Variants in CASZ1 observed in about 807,000 individuals in gnomAD.
CASZ1 encodes zinc finger protein castor homolog 1.
Under a neutral mutation model 135.2 loss-of-function variants are expected in CASZ1, and 28 were observed. The observed-to-expected ratio is 0.21, with a 90% CI of 0.15 to 0.28. The LOEUF is 0.28. CASZ1 is among the 10% of genes least tolerant of loss of function. The pLI is 1.00. For synonymous variants in CASZ1, 1,068 were observed against 1,073.4 expected (o/e 0.99, Z 0.10); for missense variants, 2,161 against 2,453.3 (o/e 0.88, Z 2.52).
At chr1:10,782,091 C>A (rs559256877) in intron 1 of CASZ1, among the ~76,000 whole-genome samples, 1 of 152,344 alleles carries the variant, frequency 6.6e-6, no homozygotes, top group South Asian at 2.1e-4. Context: ...TCTTGCCCTG[C>A]AGAAATAGGA....
In CASZ1 at chr1:10,694,310, T is replaced by C; in HGVS notation, c.-23-398A>G. The C allele has an allele frequency of 8.7e-7, 1 of 1,154,780 alleles. No individual in the cohort carries two copies. 71.5% of individuals were successfully genotyped at this position (1,154,780 alleles called of 1,614,324 possible). ...CCCGGTACTCACCATAGTCGGAGAG[T>C]CGAAAGCCGAATTCACTTAAATAAT... On this transcript the variant is annotated intron_variant, in intron 3 of 20. Coordinates refer to ENST00000377022, the MANE Select transcript of CASZ1 (RefSeq NM_001079843.3). This position sits in a 1 kb window ranked among gnomAD's most constrained non-coding sequence, Gnocchi z 6.6.
At position 10,711,620 on chromosome 1, in the gene CASZ1, T is replaced by G. The variant is rs1418801176; in HGVS notation, c.-76-6076A>C. The stretch of plus-strand genomic sequence containing the variant: ...AAAAAAAGAAAAACAAACAAAACCT[T>G]GTGCATGAATGTTCATAGCAGCACT... On this transcript the variant is annotated intron_variant, in intron 2 of 20. Coordinates refer to ENST00000377022, the MANE Select transcript of CASZ1 (RefSeq NM_001079843.3). The surrounding 1 kb of genome is among the most constrained non-coding windows in gnomAD (Gnocchi z 4.4). Among the ~76,000 whole-genome samples the G allele has an allele frequency of 6.6e-6, 1 of 151,298 alleles. No individual in the cohort carries two copies. The highest frequency in any genetic ancestry group is 1.5e-5 in the Non-Finnish European group (1 of 67,936).
At chr1:10,716,161 A>T (rs1639388696) in intron 2 of CASZ1, among the ~76,000 whole-genome samples, 2 of 128,620 alleles carry the variant, frequency 1.6e-5, no homozygotes, top group Non-Finnish European at 3.3e-5. Flanking sequence ...CCCAATCCAC[A>T]ACCCACAGCA....
chr1:10,717,867 A>G lies in CASZ1; in HGVS notation c.-76-12323T>C, dbSNP rs1639423224. On this transcript the variant is annotated intron_variant, in intron 2 of 20. Coordinates refer to ENST00000377022, the MANE Select transcript of CASZ1 (RefSeq NM_001079843.3). This position sits in a 1 kb window ranked among gnomAD's most constrained non-coding sequence, Gnocchi z 4.6. ...ATCCTGTGGTAGGACAACAGCCATC[A>G]GTGGGAGGAAGAGTCCGGGCAGGCT... 6.6e-6 allele frequency among the ~76,000 whole-genome samples: 1 copy of G among 152,248 alleles called. No individual in the cohort carries two copies. The highest frequency in any genetic ancestry group is 2.4e-5 in the African/African-American group (1 of 41,470).
intron 18 of CASZ1, among the ~76,000 whole-genome samples, chr1:10,644,695 C>T (rs1388071772): frequency 6.6e-6 from 1 of 152,236 alleles, no homozygotes; most frequent in African/African-American, 2.4e-5. Context: ...AGGGGCGGTG[C>T]CCTGCGTGAG....
chr1:10,648,972 C>A, intron 15 of CASZ1, 98 bp downstream of exon 15: 1 of 1,490,878 alleles, frequency 6.7e-7, no homozygotes, highest in Admixed American at 2.0e-5. Flanking sequence ...CTTCTGTGGC[C>A]CAGCGGGAAC....
chr1:10,645,153 G>T, intron 17 of CASZ1, 65 bp from the exon 18 acceptor site: 1 of 1,466,694 alleles, frequency 6.8e-7, no homozygotes, highest in Non-Finnish European at 9.4e-7. Context: ...CCTGCCCCGG[G>T]CCTGAGGCTG....
chr1:10,736,381 A>G (rs951266585), intron 2 of CASZ1, among the ~76,000 whole-genome samples: 1 of 152,214 alleles, frequency 6.6e-6, no homozygotes, highest in Non-Finnish European at 1.5e-5. Context: ...AGTGAGCAGC[A>G]TGGCACTGAG....
At chr1:10,658,479 C>T (rs761141782) in intron 7 of CASZ1, 29 bp downstream of exon 7, 1 of 1,596,132 alleles carries the variant, frequency 6.3e-7, no homozygotes, top group Admixed American at 1.7e-5. Flanking sequence ...CACCTTCTCT[C>T]CACGGCAGGC....
chr1:10,650,506 T>C, intron 13 of CASZ1, 186 bp downstream of exon 13: 1 of 569,878 alleles, frequency 1.8e-6, no homozygotes, highest in Non-Finnish European at 3.1e-6. Flanking sequence ...AGCCAGTTCA[T>C]TAAATTAATT....
rs1639452365 is a variant in CASZ1, at chr1:10,719,224, C to T, written c.-76-13680G>A. The stretch of plus-strand genomic sequence containing the variant: ...TGAGCCACCGCACCCGGCCCCGTGC[C>T]CCTTTCTTGTAAGGGGAGAGCCTGA... On this transcript the variant is annotated intron_variant, in intron 2 of 20. Coordinates refer to ENST00000377022, the MANE Select transcript of CASZ1 (RefSeq NM_001079843.3). This position sits in a 1 kb window ranked among gnomAD's most constrained non-coding sequence, Gnocchi z 4.0. Among the ~76,000 whole-genome samples the T allele has an allele frequency of 6.6e-6, 1 of 152,196 alleles. No individual in the cohort carries two copies. The highest frequency in any genetic ancestry group is 1.5e-5 in the Non-Finnish European group (1 of 68,036).
In CASZ1 at chr1:10,697,867, C is replaced by T. The variant is rs1319182303; in HGVS notation, c.-23-3955G>A. On this transcript the variant is annotated intron_variant, in intron 3 of 20. Transcript: ENST00000377022. This position sits in a 1 kb window ranked among gnomAD's most constrained non-coding sequence, Gnocchi z 4.7. The stretch of plus-strand genomic sequence containing the variant: ...CTGCGAACAAGCATGTTCGCACCTG[C>T]GAGGGAGTCCGTGTGTTTGCGTGTG... Among the ~76,000 whole-genome samples the T allele has an allele frequency of 1.3e-5, 2 of 152,224 alleles. No homozygotes were observed. Among genetic ancestry groups the T allele is most frequent in the African/African-American group, 4.8e-5 (2 of 41,454 alleles).
At chr1:10,671,464 T>A (rs1346332549) in intron 4 of CASZ1, among the ~76,000 whole-genome samples, 1 of 152,096 alleles carries the variant, frequency 6.6e-6, no homozygotes, top group Non-Finnish European at 1.5e-5. Flanking sequence ...GGGAGACAGA[T>A]GTGAGGGAAG....
At chr1:10,738,436 G>A (rs575296947) in intron 2 of CASZ1, among the ~76,000 whole-genome samples, 2 of 152,368 alleles carry the variant, frequency 1.3e-5, no homozygotes, top group East Asian at 1.9e-4. Flanking sequence ...GCAGGCCGGG[G>A]AAGGGGGAGG....
intron 20 of CASZ1, among the ~76,000 whole-genome samples, chr1:10,642,517 T>A (rs1015472574): frequency 6.8e-6 from 1 of 146,564 alleles, no homozygotes; most frequent in Non-Finnish European, 1.5e-5. Flanking sequence ...GTGCCAGGGG[T>A]CACGTGGGCA....
rs571107666 is a variant in CASZ1 at position 10,701,657 on chromosome 1, G to T, written c.-24+3835C>A. ...CCTGCTCCTCCAGCCTGACACTAAT[G>T]TATTCAACCTGACATCCCATCTTGT... On this transcript the variant is annotated intron_variant, in intron 3 of 20. Transcript: ENST00000377022. The surrounding 1 kb of genome is among the most constrained non-coding windows in gnomAD (Gnocchi z 6.3). Among the ~76,000 whole-genome samples, 3 of 152,320 alleles carry T rather than the reference G, an allele frequency of 2.0e-5. No homozygotes were observed. The highest frequency in any genetic ancestry group is 7.2e-5 in the African/African-American group (3 of 41,578).
chr1:10,717,185 A>G lies in CASZ1; in HGVS notation c.-76-11641T>C, dbSNP rs927414783. 6.6e-6 allele frequency among the ~76,000 whole-genome samples: 1 copy of G among 152,092 alleles called. No homozygotes were observed. Among genetic ancestry groups the G allele is most frequent in the African/African-American group, 2.4e-5 (1 of 41,392 alleles). On this transcript the variant is annotated intron_variant, in intron 2 of 20. Coordinates refer to ENST00000377022, the MANE Select transcript of CASZ1 (RefSeq NM_001079843.3). The surrounding 1 kb of genome is among the most constrained non-coding windows in gnomAD (Gnocchi z 4.6). ...CAAAATCATTATAGTATTTTTACCT[A>G]ATGACAGAAAAATCTACGAACGCCT...
chr1:10,735,556 G>C lies in CASZ1; in HGVS notation c.-77+25145C>G, dbSNP rs1259098595. Among the ~76,000 whole-genome samples, 2 of 152,158 alleles carry C rather than the reference G, an allele frequency of 1.3e-5. No homozygotes were observed. The highest frequency in any genetic ancestry group is 4.8e-5 in the African/African-American group (2 of 41,432). On this transcript the variant is annotated intron_variant, in intron 2 of 20. Coordinates refer to ENST00000377022, the MANE Select transcript of CASZ1 (RefSeq NM_001079843.3). The surrounding 1 kb of genome is among the most constrained non-coding windows in gnomAD (Gnocchi z 5.1). ...GCCTGGGGGAGGGGGTGTGCTGCAG[G>C]AAGGAGGGATGGCTGGTGCCTCTTA... is the stretch of plus-strand genomic sequence containing the variant.
chr1:10,669,478 A>G (rs1643339719), intron 4 of CASZ1, among the ~76,000 whole-genome samples: 1 of 152,210 alleles, frequency 6.6e-6, no homozygotes, highest in South Asian at 2.1e-4. Context: ...TCAGAAATCA[A>G]ATGAAGGGAG....
Sources: allele counts gnomAD v4.1 joint callset (sites outside exome capture counted in the v4.1 genomes callset), GRCh38; gene constraint gnomAD v4.1.1; non-coding constraint Gnocchi (gnomAD v3.1); transcripts MANE v1.5; gene names NCBI Gene and HGNC (gene_info 2026-07-23, HGNC 2026-07-21).